Variants in PIGK observed in about 807,000 individuals in gnomAD.
PIGK encodes GPI-anchor transamidase.
A neutral mutation model predicts 50.6 loss-of-function variants in PIGK; 42 were observed. The observed-to-expected ratio is 0.83, with a 90% confidence interval of 0.65 to 1.07. The LOEUF is 1.07. Ranked by LOEUF, PIGK falls within the 50% of genes least tolerant of loss-of-function variation. The probability of loss-of-function intolerance (pLI) is 0.00; values close to 1 mark genes in which losing one functional copy is unlikely to be tolerated. For synonymous variants in PIGK, 151 were observed against 156.0 expected (o/e 0.97, Z 0.24); for missense variants, 448 against 488.7 (o/e 0.92, Z 0.78).
intron 3 of PIGK, among the ~76,000 whole-genome samples, chr1:77,197,663 C>T (rs1022886157): frequency 9.2e-5 from 14 of 152,070 alleles, no homozygotes; most frequent in African/African-American, 3.4e-4. Flanking sequence ...ATCATTTTTG[C>T]CCATCTCTGA....
At chr1:77,189,728 TATATATATATATATATATATAC>T (rs1433750937) in intron 3 of PIGK, among the ~76,000 whole-genome samples, 321 of 45,122 alleles carry the variant, frequency 7.1e-3, no homozygotes, top group East Asian at 0.024. Context: ...TATATATATA[TATATATATATATATATATATAC>T]ACACACACAC....
intron 10 of PIGK, among the ~76,000 whole-genome samples, chr1:77,103,532 G>A (rs1292599130): frequency 6.6e-6 from 1 of 152,172 alleles, no homozygotes; most frequent in Non-Finnish European, 1.5e-5. Flanking sequence ...ATGGTTTTCA[G>A]ACATTGGACA....
intron 3 of PIGK, among the ~76,000 whole-genome samples, chr1:77,202,230 C>T (rs912008094): frequency 6.6e-6 from 1 of 152,144 alleles, no homozygotes; most frequent in African/African-American, 2.4e-5. Flanking sequence ...TATTCATTCA[C>T]TCATTCACTC....
intron 3 of PIGK, among the ~76,000 whole-genome samples, chr1:77,175,640 A>G (rs1445255382): frequency 1.3e-5 from 2 of 152,190 alleles, no homozygotes; most frequent in Non-Finnish European, 2.9e-5. Flanking sequence ...ATTGTTTTAA[A>G]TTAGATAAGA....
At position 77,161,595 on chromosome 1, in the gene PIGK, G is replaced by C. The variant is rs756182989; in HGVS notation, c.701C>G (p.Ser234Trp). ...ASSQVGEDSL[S>W]HQPDPAIGVH... ...TACAAATGGGGAAAATGCACATACC[G>C]AGAGTGAATCTTCTCCCACTTGACT... Residue 234 changes from serine (S) to tryptophan (W), a missense_variant and splice_region_variant, in exon 7 of 11, where the codon TCG becomes TGG. Ser to Trp is a radical substitution (Grantham distance 177). Transcript: ENST00000370812. 7.4e-7 allele frequency: 1 copy of C among 1,359,668 alleles called. No homozygotes were observed. The highest frequency in any genetic ancestry group is 1.1e-6 in the Non-Finnish European group (1 of 947,878). 84.2% of individuals were successfully genotyped at this position (1,359,668 alleles called of 1,614,324 possible). A position where few individuals can be genotyped will look rare whatever the true frequency, so the allele number is the denominator to read the frequency against.
At chr1:77,092,625 T>C (rs547522761) in intron 10 of PIGK, 135 bp from the exon 11 acceptor site, 3 of 632,008 alleles carry the variant, frequency 4.7e-6, no homozygotes, top group South Asian at 3.6e-5. Flanking sequence ...TTAAACACAT[T>C]GGGATAGCAA....
At chr1:77,168,042 T>C (rs747879296) in intron 4 of PIGK, among the ~76,000 whole-genome samples, 2 of 152,096 alleles carry the variant, frequency 1.3e-5, no homozygotes, top group Non-Finnish European at 2.9e-5. Context: ...GTTCCATATA[T>C]ATTTCCCCAA....
At chr1:77,163,790 C>G in intron 6 of PIGK, 56 bp downstream of exon 6, 1 of 894,558 alleles carries the variant, frequency 1.1e-6, no homozygotes, top group East Asian at 2.6e-5. Context: ...AATCTACGAA[C>G]CATGTGAAAA....
intron 9 of PIGK, among the ~76,000 whole-genome samples, chr1:77,137,863 C>T (rs1188691217): frequency 1.3e-5 from 2 of 152,212 alleles, no homozygotes; most frequent in Non-Finnish European, 2.9e-5. Context: ...CTCGGCCTCC[C>T]AAAGTGCTGG....
chr1:77,161,861 C>T (rs1655136729), intron 6 of PIGK, 150 bp from the exon 7 acceptor site: 2 of 619,230 alleles, frequency 3.2e-6, no homozygotes, highest in South Asian at 2.0e-5. Flanking sequence ...GAAATTTGAC[C>T]TCAGAAAAGT....
chr1:77,206,904 T>TGA (rs144106591), intron 2 of PIGK, among the ~76,000 whole-genome samples, 173 bp from the exon 3 acceptor site: 1,668 of 152,290 alleles, frequency 0.011, 33 homozygotes, highest in African/African-American at 0.038. Flanking sequence ...CAGTGGCTCA[T>TGA]GCCTGTAATA....
At chr1:77,126,038 A>C (rs1654223110) in intron 9 of PIGK, among the ~76,000 whole-genome samples, 1 of 152,086 alleles carries the variant, frequency 6.6e-6, no homozygotes, top group African/African-American at 2.4e-5. Flanking sequence ...GAGTTCAGTC[A>C]GCTGCTGTTT....
At chr1:77,205,463 G>C (rs535762892) in intron 3 of PIGK, among the ~76,000 whole-genome samples, 1 of 151,640 alleles carries the variant, frequency 6.6e-6, no homozygotes, top group Non-Finnish European at 1.5e-5. Flanking sequence ...TATTCACAAA[G>C]ACTGTAATAT....
intron 1 of PIGK, among the ~76,000 whole-genome samples, chr1:77,212,239 A>T: frequency 6.6e-6 from 1 of 152,126 alleles, no homozygotes; most frequent in East Asian, 1.9e-4. Flanking sequence ...GCTCCCAAAC[A>T]TTAATTACTA....
chr1:77,162,890 C>T (rs1197939893), intron 6 of PIGK, among the ~76,000 whole-genome samples: 2 of 152,114 alleles, frequency 1.3e-5, no homozygotes, highest in Non-Finnish European at 2.9e-5. Context: ...AGGACTGAAC[C>T]ATTTGGGCAT....
At chr1:77,110,945 A>G (rs1169175571) in intron 10 of PIGK, among the ~76,000 whole-genome samples, 1 of 152,250 alleles carries the variant, frequency 6.6e-6, no homozygotes, top group Non-Finnish European at 1.5e-5. Context: ...AAGTGGGCAA[A>G]GGATATGAAC....
At chr1:77,119,410 T>C (rs560653654) in intron 10 of PIGK, among the ~76,000 whole-genome samples, 1 of 152,318 alleles carries the variant, frequency 6.6e-6, no homozygotes, top group African/African-American at 2.4e-5. Flanking sequence ...AATTTTCCCA[T>C]TTTCATTTCT....
chr1:77,105,573 T>C (rs115330940), intron 10 of PIGK, among the ~76,000 whole-genome samples: 19 of 151,948 alleles, frequency 1.3e-4, no homozygotes, highest in African/African-American at 4.1e-4. Context: ...CAGAGAAAAC[T>C]ACACAAAGGG....
At chr1:77,174,969 T>C (rs934715179) in intron 3 of PIGK, among the ~76,000 whole-genome samples, 1 of 152,236 alleles carries the variant, frequency 6.6e-6, no homozygotes, top group Non-Finnish European at 1.5e-5. Context: ...GTGATGTTTC[T>C]ATAAAAGAGC....
Sources: allele counts gnomAD v4.1 joint callset (sites outside exome capture counted in the v4.1 genomes callset), GRCh38; gene constraint gnomAD v4.1.1; transcripts MANE v1.5; gene names NCBI Gene and HGNC (gene_info 2026-07-23, HGNC 2026-07-21).